The following KCNMB2 variants were observed in gnomAD, a reference collection of about 807,000 sequenced individuals.
The protein encoded by KCNMB2 is potassium calcium-activated channel subfamily M regulatory beta subunit 2.
In KCNMB2, 9 loss-of-function variants were observed where a neutral mutation model predicts 24.5. The observed-to-expected ratio is 0.37, with a 90% confidence interval of 0.22 to 0.64. The LOEUF is 0.64. Among genes scored for constraint, KCNMB2 ranks in the 30% least tolerant of loss-of-function variants. KCNMB2 has a pLI of 0.63. For missense variants in KCNMB2, 226 were observed against 284.3 expected (o/e 0.79, Z 1.47); for synonymous variants, 109 against 104.4 (o/e 1.04, Z -0.27).
At chr3:178,718,197 A>C (rs1722681481) in intron 1 of KCNMB2, among the ~76,000 whole-genome samples, 1 of 152,228 alleles carries the variant, frequency 6.6e-6, no homozygotes, top group Non-Finnish European at 1.5e-5. Context: ...AATAACACTT[A>C]ACAAATTACA....
At chr3:178,813,703 T>C (rs893825096) in intron 2 of KCNMB2, among the ~76,000 whole-genome samples, 56 of 152,214 alleles carry the variant, frequency 3.7e-4, no homozygotes, top group African/African-American at 1.3e-3. Flanking sequence ...TTTTCCAAAC[T>C]CAAGTTACTT....
At chr3:178,750,880 T>C (rs752411895) in intron 1 of KCNMB2, among the ~76,000 whole-genome samples, 1 of 152,222 alleles carries the variant, frequency 6.6e-6, no homozygotes, top group Non-Finnish European at 1.5e-5. Context: ...TCCTGCTTCA[T>C]GTAATGCTCA....
intron 1 of KCNMB2, among the ~76,000 whole-genome samples, chr3:178,699,732 T>C (rs978919690): frequency 6.6e-6 from 1 of 152,200 alleles, no homozygotes; most frequent in Non-Finnish European, 1.5e-5. Context: ...TGAGAGCAAT[T>C]TGAGCTTAGG....
chr3:178,834,204 T>C (rs956825374), intron 4 of KCNMB2, among the ~76,000 whole-genome samples: 1 of 152,144 alleles, frequency 6.6e-6, no homozygotes, highest in African/African-American at 2.4e-5. Context: ...TACTATACTC[T>C]CACAACACAC....
Position 178,636,675 on chromosome 3 carries a change from A to C in KCNMB2, c.-68+99964A>C, listed in dbSNP as rs376564042. ...ATACACAAAACTGCTTGAGCAAGCC[A>C]TCTGGGACCTCTTTCCAAGAATCGT... On this transcript the variant is annotated intron_variant, in intron 1 of 4. Transcript: ENST00000452583. 2.6e-5 allele frequency among the ~76,000 whole-genome samples: 4 copies of C among 152,336 alleles called. No homozygotes were observed. The South Asian group carries it at 6.2e-4, about 24-fold the overall frequency.
At chr3:178,743,859 G>T (rs7624095) in intron 1 of KCNMB2, among the ~76,000 whole-genome samples, 11 of 151,970 alleles carry the variant, frequency 7.2e-5, no homozygotes, top group African/African-American at 2.7e-4. Flanking sequence ...TTCATCGACC[G>T]CTGGTCTTGC....
At chr3:178,705,910 CAT>C (rs1326830614) in intron 1 of KCNMB2, among the ~76,000 whole-genome samples, 2 of 152,100 alleles carry the variant, frequency 1.3e-5, no homozygotes, top group Non-Finnish European at 2.9e-5. Context: ...TACATAGAAA[CAT>C]AGACATAGAA....
intron 1 of KCNMB2, among the ~76,000 whole-genome samples, chr3:178,544,553 A>T (rs1715713933): frequency 6.6e-6 from 1 of 152,178 alleles, no homozygotes; most frequent in Non-Finnish European, 1.5e-5. Flanking sequence ...AAGTCTGCTG[A>T]CTTCTTAGGA....
intron 1 of KCNMB2, among the ~76,000 whole-genome samples, chr3:178,700,497 T>C (rs1228208330): frequency 1.3e-5 from 2 of 152,252 alleles, no homozygotes; most frequent in African/African-American, 2.4e-5. Flanking sequence ...TTTCAGGCCA[T>C]ACAGTGATAT....
At chr3:178,835,530 A>G (rs1560040988) in intron 4 of KCNMB2, among the ~76,000 whole-genome samples, 1 of 151,836 alleles carries the variant, frequency 6.6e-6, no homozygotes, top group African/African-American at 2.4e-5. Flanking sequence ...GGAACTATAC[A>G]TTCTTTGAAC....
At chr3:178,590,704 C>T (rs1275315096) in intron 1 of KCNMB2, among the ~76,000 whole-genome samples, 2 of 152,162 alleles carry the variant, frequency 1.3e-5, no homozygotes, top group African/African-American at 2.4e-5. Flanking sequence ...AGTAACTTGC[C>T]TTGAGCCATA....
intron 1 of KCNMB2, among the ~76,000 whole-genome samples, chr3:178,644,447 T>C (rs1719841403): frequency 6.6e-6 from 1 of 152,152 alleles, no homozygotes; most frequent in Admixed American, 6.5e-5. Context: ...CACAACTATA[T>C]AAGAACCACT....
intron 1 of KCNMB2, among the ~76,000 whole-genome samples, chr3:178,677,586 GCCT>G (rs1474646660): frequency 6.6e-6 from 1 of 152,146 alleles, no homozygotes; most frequent in East Asian, 1.9e-4. Context: ...TCACTTCCCA[GCCT>G]CCTCCTAAAA....
intron 1 of KCNMB2, among the ~76,000 whole-genome samples, chr3:178,598,354 T>A (rs1431911453): frequency 6.6e-6 from 1 of 152,026 alleles, no homozygotes; most frequent in Non-Finnish European, 1.5e-5. Flanking sequence ...ATACGAATTG[T>A]TATATAGAGA....
chr3:178,633,480 C>T (rs1322762399), intron 1 of KCNMB2, among the ~76,000 whole-genome samples: 3 of 152,230 alleles, frequency 2.0e-5, no homozygotes, highest in Non-Finnish European at 4.4e-5. Context: ...AGGCTTGGGG[C>T]TCACACCCTC....
chr3:178,608,941 C>T lies in KCNMB2; in HGVS notation c.-68+72230C>T, dbSNP rs370017378. Among the ~76,000 whole-genome samples, 49 of 152,248 alleles carry T rather than the reference C, an allele frequency of 3.2e-4. No homozygotes were observed. The East Asian group carries it at 5.6e-3, about 17-fold the overall frequency. ...ATCTTAGCTATTGTAAACCATGCTG[C>T]GACAAACACAGGAGTGCAACTATCT... On this transcript the variant is annotated intron_variant, in intron 1 of 4. Transcript: ENST00000452583.
chr3:178,728,253 C>T (rs959761082), intron 1 of KCNMB2, among the ~76,000 whole-genome samples: 1 of 152,086 alleles, frequency 6.6e-6, no homozygotes, highest in East Asian at 1.9e-4. Flanking sequence ...GGTGGCTTCA[C>T]CCAGACATGG....
intron 1 of KCNMB2, among the ~76,000 whole-genome samples, chr3:178,615,672 T>C (rs546233986): frequency 5.3e-5 from 8 of 152,328 alleles, no homozygotes; most frequent in Non-Finnish European, 8.8e-5. Flanking sequence ...GTCAGGGCAA[T>C]GGGCTCCCCG....
At chr3:178,830,321 T>C (rs1715005138) in intron 4 of KCNMB2, among the ~76,000 whole-genome samples, 1 of 152,172 alleles carries the variant, frequency 6.6e-6, no homozygotes. Flanking sequence ...TCATATTCCA[T>C]TGTATGAGTA....
Sources: gnomAD v4.1 joint callset for allele counts (sites outside exome capture counted in the v4.1 genomes callset) on GRCh38, gnomAD v4.1.1 for gene constraint, MANE v1.5 for transcripts, NCBI Gene and HGNC (gene_info 2026-07-23, HGNC 2026-07-21) for gene names.